Variants in DNHD1 observed in about 807,000 individuals in gnomAD.
The protein encoded by DNHD1 is dynein heavy chain domain 1, also known as dynein heavy chain domain-containing protein 1.
Under a neutral mutation model 458.1 loss-of-function variants are expected in DNHD1, and 383 were observed. That is an observed-to-expected ratio of 0.84 (90% CI 0.77 to 0.91). The LOEUF (loss-of-function observed/expected upper bound fraction) is 0.91. DNHD1 is among the 40% of genes least tolerant of loss of function. DNHD1 has a pLI of 0.00. For missense variants in DNHD1, 5,336 were observed against 5,866.1 expected, an observed-to-expected ratio of 0.91 and a Z score of 2.95; for synonymous variants, 2,203 against 2,376.9, an observed-to-expected ratio of 0.93 and a Z score of 2.13.
chr11:6,515,039 C>G (rs1047210130), intron 7 of DNHD1, among the ~76,000 whole-genome samples: 2 of 152,168 alleles, frequency 1.3e-5, no homozygotes, highest in East Asian at 3.8e-4. Context: ...CTCCCATGAT[C>G]AGAACATTGA....
rs1853485637 is a variant in DNHD1, at chr11:6,557,298, G to A, written c.8003G>A (p.Cys2668Tyr). ...RLDSPRERSY[C>Y]AKLLLVVAQS... is the part of the protein sequence containing the mutation. ...GACAGCCCCAGGGAACGCTCCTACT[G>A]TGCCAAGCTGCTCCTAGTAGTAGCT... Residue 2668 changes from cysteine (C) to tyrosine (Y), a missense_variant, in exon 25 of 43, where the codon TGT becomes TAT. Physicochemically the swap from Cys to Tyr is radical, Grantham distance 194. Coordinates refer to ENST00000254579, the MANE Select transcript of DNHD1 (RefSeq NM_144666.3). 6.4e-7 allele frequency: 1 copy of A among 1,551,604 alleles called. No individual in the cohort carries two copies. The highest frequency in any genetic ancestry group is 1.4e-5 in the African/African-American group (1 of 73,174).
rs756890694 is a variant in DNHD1, at chr11:6,551,865, A to C, written c.7387+2932A>C. ...CTGAGGCAGGAGAATTGCTTGAACC[A>C]GGGAGGTGGAAGTTGCGGTGAGCTG... On this transcript the variant is annotated intron_variant, in intron 24 of 42. Transcript: ENST00000254579. Among the ~76,000 whole-genome samples, 318 of 134,066 alleles carry C rather than the reference A, an allele frequency of 2.4e-3. 18 individuals carry two copies. The highest frequency in any genetic ancestry group is 4.3e-3 in the Non-Finnish European group (271 of 63,678). The allele number at this position is 134,066 out of a possible 152,430, so 88.0% of individuals were successfully genotyped here. A position where few individuals can be genotyped will look rare whatever the true frequency, so the allele number is the denominator to read the frequency against.
chr11:6,540,837 T>C lies in DNHD1; in HGVS notation c.3628+754T>C, dbSNP rs115348088. Among the ~76,000 whole-genome samples the C allele has an allele frequency of 4.1e-3, 622 of 152,322 alleles. 3 individuals carry two copies. Among genetic ancestry groups the C allele is most frequent in the African/African-American group, 0.014 (577 of 41,568 alleles). ...CTTATTCAACGCAACTAGAACCCAGTTGGTGAATCCAAAAAACTAATGATG... is the reference window on the plus strand; with the variant it reads ...CTTATTCAACGCAACTAGAACCCAGCTGGTGAATCCAAAAAACTAATGATG... On this transcript the variant is annotated intron_variant, in intron 18 of 42. Transcript: ENST00000254579.
At chr11:6,521,896 T>C (rs764831479) in intron 10 of DNHD1, among the ~76,000 whole-genome samples, 6 of 152,152 alleles carry the variant, frequency 3.9e-5, no homozygotes, top group Admixed American at 1.3e-4. Flanking sequence ...TTTAAATTTT[T>C]TGTAGAGATG....
intron 7 of DNHD1, among the ~76,000 whole-genome samples, chr11:6,512,452 G>A (rs1160390920): frequency 1.3e-5 from 2 of 151,636 alleles, no homozygotes; most frequent in African/African-American, 4.8e-5. Flanking sequence ...TTGATCTCCT[G>A]ACCTTGTGAT....
chr11:6,523,711 G>C (rs1000345833), intron 10 of DNHD1, among the ~76,000 whole-genome samples: 2 of 152,072 alleles, frequency 1.3e-5, no homozygotes, highest in Non-Finnish European at 2.9e-5. Flanking sequence ...TTATGGCCAG[G>C]CACAGTGGCT....
chr11:6,516,335 C>T (rs1852467009), intron 7 of DNHD1, among the ~76,000 whole-genome samples: 1 of 148,184 alleles, frequency 6.7e-6, no homozygotes, highest in African/African-American at 2.5e-5. Flanking sequence ...TTCTTGTCGC[C>T]TAGGCTGGAG....
At chr11:6,510,842 T>TC (rs1852323262) in intron 6 of DNHD1, among the ~76,000 whole-genome samples, 1 of 152,294 alleles carries the variant, frequency 6.6e-6, no homozygotes, top group East Asian at 1.9e-4. Flanking sequence ...GGATTGGGCT[T>TC]CCTCAGGGAT....
Position 6,546,576 on chromosome 11 carries a change from G to A in DNHD1, c.5637G>A (p.Gln1879=). 6.4e-7 allele frequency: 1 copy of A among 1,551,844 alleles called. No homozygotes were observed. The highest frequency in any genetic ancestry group is 8.7e-7 in the Non-Finnish European group (1 of 1,147,026). Reference sequence around the variant, plus strand: ...CCTGCCGCCTGCCACTGCTCAAGCAGATACTGGAAGACACAATACGGACAC... The same window carrying A: ...CCTGCCGCCTGCCACTGCTCAAGCAAATACTGGAAGACACAATACGGACAC... ...PLPCRLPLLK[Q]ILEDTIRTLN... Residue 1879 remains glutamine, a synonymous_variant, in exon 21 of 43, where the codon CAG becomes CAA. Coordinates refer to ENST00000254579, the MANE Select transcript of DNHD1 (RefSeq NM_144666.3).
chr11:6,519,534 A>G (rs2134393749), intron 7 of DNHD1, 66 bp from the exon 8 acceptor site: 2 of 1,578,006 alleles, frequency 1.3e-6, no homozygotes, highest in East Asian at 2.2e-5. Context: ...GAGTTTGCAC[A>G]GACTAGTGGG....
intron 7 of DNHD1, among the ~76,000 whole-genome samples, chr11:6,512,211 CTTTTTTTTT>C (rs11287049): frequency 0.011 from 985 of 91,660 alleles, 13 homozygotes; most frequent in African/African-American, 0.043. Flanking sequence ...CTTTTTCTTT[CTTTTTTTTT>C]TTTTTTTTTT....
chr11:6,511,247 C>G (rs1382232141), intron 6 of DNHD1, 26 bp from the exon 7 acceptor site: 1 of 1,611,548 alleles, frequency 6.2e-7, no homozygotes, highest in South Asian at 1.1e-5. Flanking sequence ...GATGCCAGCT[C>G]TGACCAGCTT....
intron 10 of DNHD1, among the ~76,000 whole-genome samples, chr11:6,523,443 G>C (rs931394585): frequency 6.6e-6 from 1 of 152,032 alleles, no homozygotes; most frequent in African/African-American, 2.4e-5. Context: ...CAACCTTGGA[G>C]GTATGAGGAG....
chr11:6,497,916 C>T lies in DNHD1; in HGVS notation c.-300C>T. ...GGAGGGCTCTCACGTCTGTCTTAGG[C>T]CTGCTCCTTACCAGAGTCTTTGGGG... On this transcript the variant is annotated 5_prime_UTR_variant, in exon 3 of 43. Coordinates refer to ENST00000254579, the MANE Select transcript of DNHD1 (RefSeq NM_144666.3). The T allele has an allele frequency of 2.2e-6, 1 of 446,052 alleles. No homozygotes were observed. The highest frequency in any genetic ancestry group is 2.6e-5 in the South Asian group (1 of 37,976). The allele number at this position is 446,052 out of a possible 1,614,324, so 27.6% of individuals were successfully genotyped here.
Position 6,570,411 on chromosome 11 carries a change from G to C in DNHD1, c.13105+15G>C. On this transcript the variant is annotated intron_variant, in intron 41 of 42. Transcript: ENST00000254579. ...GCCCCTCCCAGGTAAGCCTCACTCA[G>C]GTATCTGTTTTGGGGTAGGGAATAG... The C allele has an allele frequency of 1.2e-6, 2 of 1,600,336 alleles. No homozygotes were observed. Among genetic ancestry groups the C allele is most frequent in the Non-Finnish European group, 8.5e-7 (1 of 1,173,298 alleles).
At chr11:6,560,388 G>A (rs1853561256) in intron 28 of DNHD1, among the ~76,000 whole-genome samples, 2 of 152,186 alleles carry the variant, frequency 1.3e-5, no homozygotes, top group Admixed American at 1.3e-4. Flanking sequence ...ATCCCCTGGA[G>A]TTTTAAAGGT....
Position 6,536,517 on chromosome 11 carries a change from G to C in DNHD1, c.2999-1866G>C, listed in dbSNP as rs139316501. On this transcript the variant is annotated intron_variant, in intron 14 of 42. Coordinates refer to ENST00000254579, the MANE Select transcript of DNHD1 (RefSeq NM_144666.3). The stretch of plus-strand genomic sequence containing the variant: ...ATGTGCATACACATGCCCATGCACA[G>C]AGCATGTGAATGCAAATGATAAAGC... Among the ~76,000 whole-genome samples, 679 of 152,242 alleles carry C rather than the reference G, an allele frequency of 4.5e-3. 6 individuals are homozygous for C. Among genetic ancestry groups the C allele is most frequent in the African/African-American group, 0.014 (581 of 41,544 alleles).
chr11:6,542,763 C>G (rs1174006720), intron 18 of DNHD1, among the ~76,000 whole-genome samples: 1 of 152,126 alleles, frequency 6.6e-6, no homozygotes, highest in African/African-American at 2.4e-5. Context: ...TATTAATCTC[C>G]CCTTTAGATT....
Position 6,567,413 on chromosome 11 carries a change from C to CCA in DNHD1, c.11907_11908dup (p.Ser3970ThrfsTer25). On this transcript the variant is annotated frameshift_variant, in exon 36 of 43. Coordinates refer to ENST00000254579, the MANE Select transcript of DNHD1 (RefSeq NM_144666.3). LOFTEE classifies it high-confidence loss of function. Reference sequence around the variant, plus strand: ...GACTAGCAGCCTCTCCCAGCACAGTCCACAGCAAGCCAGTCTCAGATGTGG... The same window carrying CCA: ...GACTAGCAGCCTCTCCCAGCACAGTCCACACAGCAAGCCAGTCTCAGATGTGG... The CCA allele has an allele frequency of 6.2e-7, 1 of 1,613,404 alleles. No individual in the cohort carries two copies. The highest frequency in any genetic ancestry group is 8.5e-7 in the Non-Finnish European group (1 of 1,179,598).
Sources: gnomAD v4.1 joint callset for allele counts (sites outside exome capture counted in the v4.1 genomes callset) on GRCh38, gnomAD v4.1.1 for gene constraint, MANE v1.5 for transcripts, NCBI Gene and HGNC (gene_info 2026-07-23, HGNC 2026-07-21) for gene names.